The following PLEKHH2 variants were observed in gnomAD, a reference collection of about 807,000 sequenced individuals.
PLEKHH2 encodes pleckstrin homology domain-containing family H member 2.
In PLEKHH2, 129 loss-of-function variants were observed where a neutral mutation model predicts 187.9. That is an observed-to-expected ratio of 0.69 (90% CI 0.59 to 0.79). PLEKHH2 has a LOEUF of 0.79. Among genes scored for constraint, PLEKHH2 ranks in the 30% least tolerant of loss-of-function variants. PLEKHH2 has a pLI of 0.00. For missense variants in PLEKHH2, 2,076 were observed against 1,751.2 expected (o/e 1.19, Z -3.31); for synonymous variants, 686 against 605.6 (o/e 1.13, Z -1.95).
intron 13 of PLEKHH2, 41 bp downstream of exon 13, chr2:43,710,371 A>G (rs377000617): frequency 1.0e-5 from 16 of 1,599,548 alleles, no homozygotes; most frequent in Middle Eastern, 1.7e-4. Context: ...TAATTCCTCA[A>G]ACTATAAATC....
intron 19 of PLEKHH2, among the ~76,000 whole-genome samples, chr2:43,735,549 A>T (rs896586490): frequency 6.6e-6 from 1 of 152,216 alleles, no homozygotes; most frequent in Non-Finnish European, 1.5e-5. Context: ...GACTTAGAGT[A>T]TATTTCAAAA....
chr2:43,642,843 A>G (rs186519849), intron 1 of PLEKHH2, among the ~76,000 whole-genome samples: 80 of 152,266 alleles, frequency 5.3e-4, no homozygotes, highest in Middle Eastern at 3.4e-3. Flanking sequence ...GACATAGGCA[A>G]GTTATTTTAC....
At chr2:43,677,904 C>T (rs1420832900) in intron 2 of PLEKHH2, among the ~76,000 whole-genome samples, 6 of 47,816 alleles carry the variant, frequency 1.3e-4, no homozygotes, top group Admixed American at 3.3e-4. Context: ...CCCTCCAGGA[C>T]GGGGCGGCTG....
chr2:43,746,931 C>G (rs1412592675), intron 24 of PLEKHH2, among the ~76,000 whole-genome samples: 1 of 151,670 alleles, frequency 6.6e-6, no homozygotes, highest in Non-Finnish European at 1.5e-5. Flanking sequence ...GATCGCACCA[C>G]TGCACTCCAG....
Position 43,700,335 on chromosome 2 carries a change from C to T in PLEKHH2, c.1377C>T (p.Ser459=), listed in dbSNP as rs1162606575. ...TAGCACTAGCCAAAAGGCACTTAAGCCAGCCACAGTTAAGCTCTGACAGGA... is the reference window on the plus strand; with the variant it reads ...TAGCACTAGCCAAAAGGCACTTAAGTCAGCCACAGTTAAGCTCTGACAGGA... ...ISVALAKRHL[S]QPQLSSDRMF... Residue 459 remains serine (S), a synonymous_variant, in exon 8 of 30, where the codon AGC becomes AGT. Transcript: ENST00000282406. 4 of 1,614,066 alleles carry T rather than the reference C, an allele frequency of 2.5e-6. No homozygotes were observed. The Admixed American group carries it at 5.0e-5, about 20-fold the overall frequency.
rs749045805 is a variant in PLEKHH2, at chr2:43,743,893, C to T, written c.3459C>T (p.Asp1153=). 2 of 1,614,016 alleles carry T rather than the reference C, an allele frequency of 1.2e-6. No individual in the cohort carries two copies. The highest frequency in any genetic ancestry group is 1.7e-5 in the Admixed American group (1 of 60,018). ...AATTTTTGAATACTTTGAACCAGGA[C>T]ACAGGAATGAGGAAACCAGCGCAGT... ...VEEFLNTLNQ[D]TGMRKPAQSG... Residue 1153 remains aspartate, a synonymous_variant, in exon 23 of 30, where the codon GAC becomes GAT. Transcript: ENST00000282406.
At chr2:43,753,492 T>C (rs17336182) in intron 24 of PLEKHH2, 127 bp from the exon 25 acceptor site, 47,012 of 600,074 alleles carry the variant, frequency 0.078, 2,279 homozygotes, top group Admixed American at 0.22. Flanking sequence ...TTGACAGTAG[T>C]AGTCTAAGTT....
At chr2:43,639,556 A>G (rs748665494) in intron 1 of PLEKHH2, among the ~76,000 whole-genome samples, 1 of 151,748 alleles carries the variant, frequency 6.6e-6, no homozygotes, top group Non-Finnish European at 1.5e-5. Context: ...TTCACTTAGC[A>G]TAATGTTTTC....
intron 2 of PLEKHH2, chr2:43,675,926 C>T (rs1163664638): frequency 6.2e-7 from 1 of 1,613,876 alleles, no homozygotes; most frequent in Non-Finnish European, 8.5e-7. Flanking sequence ...TTGTAGTTGT[C>T]ACCATACTTT....
Position 43,699,918 on chromosome 2 carries a change from G to A in PLEKHH2, c.960G>A (p.Met320Ile), listed in dbSNP as rs1253025881. Residue 320 changes from methionine to isoleucine, a missense_variant, in exon 8 of 30, where the codon ATG becomes ATA. Physicochemically the swap from Met to Ile is conservative, Grantham distance 10. Transcript: ENST00000282406. ...TSEEGVQCSR[M>I]GSEMYLTASD... ...AGGAAGGGGTCCAGTGTAGCAGGAT[G>A]GGAAGTGAAATGTATCTGACAGCAT... 3 of 1,613,946 alleles carry A rather than the reference G, an allele frequency of 1.9e-6. No homozygotes were observed. Among genetic ancestry groups the A allele is most frequent in the East Asian group, 2.2e-5 (1 of 44,896 alleles).
intron 3 of PLEKHH2, among the ~76,000 whole-genome samples, chr2:43,683,040 A>G (rs1311632249): frequency 6.6e-6 from 1 of 150,686 alleles, no homozygotes. Context: ...CCTGTGCCCT[A>G]CCTATTCTAC....
At chr2:43,668,725 C>G (rs1472698964) in intron 2 of PLEKHH2, among the ~76,000 whole-genome samples, 1 of 152,258 alleles carries the variant, frequency 6.6e-6, no homozygotes, top group African/African-American at 2.4e-5. Flanking sequence ...GTAGTCTCAG[C>G]TACTGGGAAA....
intron 9 of PLEKHH2, 25 bp from the exon 10 acceptor site, chr2:43,706,297 G>A (rs1345199757): frequency 6.6e-7 from 1 of 1,513,596 alleles, no homozygotes; most frequent in Non-Finnish European, 9.2e-7. Context: ...TTTTTAAAAT[G>A]TTGTTTCCTG....
At chr2:43,713,331 C>T (rs1446320256) in intron 15 of PLEKHH2, among the ~76,000 whole-genome samples, 1 of 152,068 alleles carries the variant, frequency 6.6e-6, no homozygotes, top group Admixed American at 6.6e-5. Flanking sequence ...TTGACTCTAT[C>T]AAGATGCAGA....
rs376851824 is a variant in PLEKHH2 at position 43,710,584 on chromosome 2, C to CTT, written c.2301+32_2301+33dup. 89,263 of 1,191,230 alleles carry CTT rather than the reference C, an allele frequency of 0.075. 99 individuals are homozygous for CTT. The highest frequency in any genetic ancestry group is 0.12 in the South Asian group (5,971 of 51,686). The allele number at this position is 1,191,230 out of a possible 1,614,324, so 73.8% of individuals were successfully genotyped here. A position where few individuals can be genotyped will look rare whatever the true frequency, so the allele number is the denominator to read the frequency against. On this transcript the variant is annotated intron_variant, in intron 14 of 29. Transcript: ENST00000282406. Reference sequence around the variant, plus strand: ...ACAAACAAACAGTTCAGGTACTTAACTTTTTTTTTTTTTTTTTTTTTTTTG... The same window carrying CTT: ...ACAAACAAACAGTTCAGGTACTTAACTTTTTTTTTTTTTTTTTTTTTTTTTTG...
intron 7 of PLEKHH2, among the ~76,000 whole-genome samples, chr2:43,698,183 C>G (rs1669181349): frequency 6.6e-6 from 1 of 151,882 alleles, no homozygotes; most frequent in South Asian, 2.1e-4. Flanking sequence ...GATACATTTT[C>G]CAATCCGAAG....
In PLEKHH2 at chr2:43,765,576, C is replaced by T. The variant is rs776591557; in HGVS notation, c.4460C>T (p.Thr1487Ile). Residue 1487 changes from threonine (T) to isoleucine (I), a missense_variant, in exon 30 of 30, where the codon ACC becomes ATC. Thr to Ile is a moderately conservative substitution (Grantham distance 89). Transcript: ENST00000282406. The stretch of plus-strand genomic sequence containing the variant: ...CCTCTTCTGTCAAGCAGCAGACCGA[C>T]CAAAGGCCCCACCTTACTCTGAAAG... ...SQPLLSSSRP[T>I]KGPTLL The T allele has an allele frequency of 1.2e-6, 2 of 1,613,836 alleles. No homozygotes were observed. Among genetic ancestry groups the T allele is most frequent in the Middle Eastern group, 1.7e-4 (1 of 6,056 alleles).
At chr2:43,750,021 AT>A (rs774887627) in intron 24 of PLEKHH2, among the ~76,000 whole-genome samples, 3 of 152,238 alleles carry the variant, frequency 2.0e-5, no homozygotes, top group Non-Finnish European at 2.9e-5. Context: ...TAAGCTTCTT[AT>A]TTAATTTGAT....
Position 43,766,984 on chromosome 2 carries a change from A to C in PLEKHH2, c.*1386A>C, listed in dbSNP as rs1294129308. The C allele has an allele frequency of 6.5e-6, 1 of 152,766 alleles. No homozygotes were observed. The highest frequency in any genetic ancestry group is 2.4e-5 in the African/African-American group (1 of 41,450). The allele number at this position is 152,766 out of a possible 1,614,324, so 9.5% of individuals were successfully genotyped here. A position where few individuals can be genotyped will look rare whatever the true frequency, so the allele number is the denominator to read the frequency against. On this transcript the variant is annotated 3_prime_UTR_variant, in exon 30 of 30. Coordinates refer to ENST00000282406, the MANE Select transcript of PLEKHH2 (RefSeq NM_172069.4). ...AGTTGATAGAGTACTTAAATGCATT[A>C]CTTTATTAGGTTATGTAAGTGGTCA...
Sources: allele counts gnomAD v4.1 joint callset (sites outside exome capture counted in the v4.1 genomes callset), GRCh38; gene constraint gnomAD v4.1.1; transcripts MANE v1.5; gene names NCBI Gene and HGNC (gene_info 2026-07-23, HGNC 2026-07-21).